The following HTR2C variants were observed in gnomAD, a reference collection of about 807,000 sequenced individuals.
HTR2C encodes the protein 5-hydroxytryptamine (serotonin) receptor 2C, G protein-coupled.
Under a neutral mutation model 21.0 loss-of-function variants are expected in HTR2C, and 5 were observed. The observed-to-expected ratio is 0.24, with a 90% CI of 0.12 to 0.50. The LOEUF is 0.50. HTR2C is among the 20% of genes least tolerant of loss of function. The pLI, the probability that HTR2C is intolerant of heterozygous loss-of-function variation, is 0.98. For missense variants in HTR2C, 271 were observed against 371.2 expected (o/e 0.73, Z 2.22); for synonymous variants, 150 against 145.3 (o/e 1.03, Z -0.23).
intron 4 of HTR2C, among the ~76,000 whole-genome samples, chrX:114,835,913 T>C (rs1222886248): frequency 8.2e-5 from 9 of 109,512 alleles, no homozygotes; most frequent in African/African-American, 3.0e-4. Context: ...TCTGTTAGTT[T>C]TCCTTCTAAC....
chrX:114,899,557 C>T (rs1443980460), intron 5 of HTR2C, among the ~76,000 whole-genome samples: 3 of 110,289 alleles, frequency 2.7e-5, no homozygotes, highest in African/African-American at 1.0e-4. Flanking sequence ...TGCAAAGATC[C>T]GTGGGAGGAG....
intron 2 of HTR2C, among the ~76,000 whole-genome samples, chrX:114,716,716 T>C (rs1933005227): frequency 8.9e-6 from 1 of 111,993 alleles, no homozygotes; most frequent in Admixed American, 9.5e-5. Context: ...ATGTATGATT[T>C]ATTAGAAAAT....
Position 114,807,326 on chromosome X carries a change from A to ATATACACCATATATCTATACCATG in HTR2C, c.350-40673_350-40672insCACCATATATCTATACCATGTATA, listed in dbSNP as rs2070479814. On this transcript the variant is annotated intron_variant, in intron 4 of 5. Coordinates refer to ENST00000276198, the MANE Select transcript of HTR2C (RefSeq NM_000868.4). ...TATATACACCATATATCTATACCAT[A>ATATACACCATATATCTATACCATG]TATATACACCATGTATCTATACCAT... Among the ~76,000 whole-genome samples the ATATACACCATATATCTATACCATG allele has an allele frequency of 3.3e-5, 2 of 59,969 alleles. 1 individual carries two copies. Among genetic ancestry groups the ATATACACCATATATCTATACCATG allele is most frequent in the African/African-American group, 1.8e-4 (2 of 11,179 alleles). The allele number at this position is 59,969 out of a possible 115,157, so 52.1% of individuals were successfully genotyped here. A position where few individuals can be genotyped will look rare whatever the true frequency, so the allele number is the denominator to read the frequency against.
chrX:114,811,721 A>G (rs2070533779), intron 4 of HTR2C, among the ~76,000 whole-genome samples: 1 of 112,311 alleles, frequency 8.9e-6, no homozygotes, highest in African/African-American at 3.2e-5. Flanking sequence ...TCTGAAAAGA[A>G]GATAGGGGGC....
chrX:114,906,170 AGAAT>A lies in HTR2C; in HGVS notation c.551-416_551-413del, dbSNP rs1186377501. Among the ~76,000 whole-genome samples, 4 of 112,257 alleles carry A rather than the reference AGAAT, an allele frequency of 3.6e-5. No homozygotes were observed. The Admixed American group carries it at 3.8e-4, about 11-fold the overall frequency. On this transcript the variant is annotated intron_variant, in intron 5 of 5. Transcript: ENST00000276198. ...ATTTGGAAAATGATATGCTAAAGAA[AGAAT>A]GATTGGCTTTATTAATGTCATCAAG... is the stretch of plus-strand genomic sequence containing the variant.
At chrX:114,757,968 C>T (rs1357301934) in intron 4 of HTR2C, among the ~76,000 whole-genome samples, 1 of 110,830 alleles carries the variant, frequency 9.0e-6, no homozygotes, top group Non-Finnish European at 1.9e-5. Context: ...AACACACATA[C>T]ACACAAACAC....
At chrX:114,816,739 T>G (rs1419648211) in intron 4 of HTR2C, among the ~76,000 whole-genome samples, 2 of 110,478 alleles carry the variant, frequency 1.8e-5, no homozygotes, top group African/African-American at 6.6e-5. Flanking sequence ...ATTACAGCAA[T>G]AAGTCCTACT....
intron 2 of HTR2C, among the ~76,000 whole-genome samples, chrX:114,716,560 C>T (rs1933001433): frequency 9.0e-6 from 1 of 111,161 alleles, no homozygotes; most frequent in Non-Finnish European, 1.9e-5. Context: ...AGTAATGAGC[C>T]TAGACTTGCA....
chrX:114,585,580 G>T (rs1321138351), intron 1 of HTR2C, among the ~76,000 whole-genome samples: 1 of 111,183 alleles, frequency 9.0e-6, no homozygotes, highest in African/African-American at 3.3e-5. Context: ...GTGTCTGTGT[G>T]TCTGTTTCTT....
At position 114,869,801 on chromosome X, in the gene HTR2C, G is replaced by T. The variant is rs143781204; in HGVS notation, c.550+21598G>T. On this transcript the variant is annotated intron_variant, in intron 5 of 5. Transcript: ENST00000276198. ...TCAGTATGATATTAGCTGTGGGTCTGTCATATATGGCTTTTATTATGTTGA... is the reference window on the plus strand; with the variant it reads ...TCAGTATGATATTAGCTGTGGGTCTTTCATATATGGCTTTTATTATGTTGA... 3.6e-5 allele frequency among the ~76,000 whole-genome samples: 4 copies of T among 111,845 alleles called. No individual in the cohort carries two copies. The East Asian group carries it at 1.1e-3, about 32-fold the overall frequency.
At chrX:114,819,681 T>C (rs1205055567) in intron 4 of HTR2C, among the ~76,000 whole-genome samples, 5 of 112,676 alleles carry the variant, frequency 4.4e-5, no homozygotes, top group Non-Finnish European at 9.4e-5. Context: ...GTCAGTGGTC[T>C]TATCTGGAGA....
intron 4 of HTR2C, among the ~76,000 whole-genome samples, chrX:114,740,427 A>G (rs1413077645): frequency 9.0e-6 from 1 of 110,754 alleles, no homozygotes; most frequent in African/African-American, 3.3e-5. Context: ...AAAACTACAT[A>G]AGTAATTATG....
At chrX:114,904,413 TGTAA>T (rs1398298646) in intron 5 of HTR2C, among the ~76,000 whole-genome samples, 4 of 111,609 alleles carry the variant, frequency 3.6e-5, no homozygotes, top group Admixed American at 2.9e-4. Context: ...ATACTTCATC[TGTAA>T]GTGTTTTAGT....
chrX:114,731,234 C>T (rs781917038), intron 3 of HTR2C, 60 bp from the exon 4 acceptor site: 147 of 804,852 alleles, frequency 1.8e-4, no homozygotes, highest in Non-Finnish European at 2.4e-4. Flanking sequence ...GCATGAGCAA[C>T]GTATTGTGTA....
intron 5 of HTR2C, among the ~76,000 whole-genome samples, chrX:114,858,564 T>C (rs1421894434): frequency 1.8e-5 from 2 of 111,890 alleles, no homozygotes; most frequent in Admixed American, 1.9e-4. Flanking sequence ...TAAATTCACT[T>C]AACATTTCTT....
At chrX:114,881,304 T>C (rs2071179426) in intron 5 of HTR2C, among the ~76,000 whole-genome samples, 1 of 111,034 alleles carries the variant, frequency 9.0e-6, no homozygotes, top group African/African-American at 3.3e-5. Flanking sequence ...ATTTTAGTTG[T>C]CCTTGATGGC....
chrX:114,805,170 G>A (rs1232195619), intron 4 of HTR2C, among the ~76,000 whole-genome samples: 2 of 110,818 alleles, frequency 1.8e-5, no homozygotes, highest in Non-Finnish European at 3.8e-5. Flanking sequence ...TTTCCCATGG[G>A]GTGCCATGAT....
chrX:114,656,879 T>C (rs1275287388), intron 2 of HTR2C, among the ~76,000 whole-genome samples: 1 of 110,271 alleles, frequency 9.1e-6, no homozygotes, highest in East Asian at 2.8e-4. Flanking sequence ...CATATTGACC[T>C]AGAAAAGGAC....
At chrX:114,851,880 C>T (rs1341691615) in intron 5 of HTR2C, among the ~76,000 whole-genome samples, 3 of 111,081 alleles carry the variant, frequency 2.7e-5, no homozygotes, top group Admixed American at 9.7e-5. Context: ...GATATCATTG[C>T]TCCTATATAT....
Sources: gnomAD v4.1 joint callset for allele counts (sites outside exome capture counted in the v4.1 genomes callset) on GRCh38, gnomAD v4.1.1 for gene constraint, MANE v1.5 for transcripts, NCBI Gene and HGNC (gene_info 2026-07-23, HGNC 2026-07-21) for gene names.